The following NUAK1 variants were observed in gnomAD, a reference collection of about 807,000 sequenced individuals.
NUAK1 encodes the protein NUAK family SNF1-like kinase 1.
NUAK1 carries 26 observed loss-of-function variants against 56.9 expected under a neutral mutation model. The ratio of observed to expected loss-of-function variants is 0.46; its 90% confidence interval spans 0.33 to 0.63. The LOEUF is 0.63. NUAK1 is among the 30% of genes least tolerant of loss of function. The pLI is 0.02. For missense variants in NUAK1, 727 were observed against 876.1 expected, an observed-to-expected ratio of 0.83 and a Z score of 2.15; for synonymous variants, 337 against 336.0, an observed-to-expected ratio of 1.00 and a Z score of -0.03.
chr12:106,115,606 C>T (rs1286950980), intron 1 of NUAK1, among the ~76,000 whole-genome samples: 1 of 152,250 alleles, frequency 6.6e-6, no homozygotes, highest in Non-Finnish European at 1.5e-5. Flanking sequence ...GGTCCCTCCT[C>T]CCCAGCCCGT....
intron 1 of NUAK1, among the ~76,000 whole-genome samples, chr12:106,132,535 G>C (rs879684680): frequency 6.6e-6 from 1 of 152,156 alleles, no homozygotes; most frequent in Admixed American, 6.5e-5. Context: ...GCATGGTGTG[G>C]GGGCATTTTT....
At chr12:106,089,772 G>C (rs1389173833) in intron 2 of NUAK1, among the ~76,000 whole-genome samples, 1 of 152,152 alleles carries the variant, frequency 6.6e-6, no homozygotes, top group African/African-American at 2.4e-5. Context: ...CTGGGCAACT[G>C]AGTGAGACTT....
intron 1 of NUAK1, among the ~76,000 whole-genome samples, chr12:106,128,649 G>A (rs572758776): frequency 2.6e-5 from 4 of 152,156 alleles, no homozygotes; most frequent in East Asian, 1.9e-4. Flanking sequence ...ATGGGGTCCC[G>A]CTGGAGATAA....
chr12:106,098,789 G>A (rs943391087), intron 2 of NUAK1, among the ~76,000 whole-genome samples: 1 of 152,162 alleles, frequency 6.6e-6, no homozygotes, highest in African/African-American at 2.4e-5. Context: ...AAGGGGAAGT[G>A]GGGGTGAGAC....
chr12:106,087,088 C>G (rs2136462833), intron 2 of NUAK1: 1 of 536,208 alleles, frequency 1.9e-6, no homozygotes, highest in East Asian at 3.0e-5. Flanking sequence ...GTCACCACCA[C>G]TGTTCCTGGA....
Position 106,103,797 on chromosome 12 carries a change from G to A in NUAK1, c.361+2608C>T, listed in dbSNP as rs138919122. Among the ~76,000 whole-genome samples, 623 of 152,296 alleles carry A rather than the reference G, an allele frequency of 4.1e-3. 1 individual carries two copies. Among genetic ancestry groups the A allele is most frequent in the Non-Finnish European group, 7.0e-3 (473 of 68,030 alleles). ...CCTCATGCTGTTCTCGTGATAGTGAGTGAGTTCTCACAAGATCTGATGATT... is the reference window on the plus strand; with the variant it reads ...CCTCATGCTGTTCTCGTGATAGTGAATGAGTTCTCACAAGATCTGATGATT... On this transcript the variant is annotated intron_variant, in intron 2 of 6. Transcript: ENST00000261402.
At chr12:106,109,555 G>GAAA (rs5800702) in intron 1 of NUAK1, among the ~76,000 whole-genome samples, 1 of 123,516 alleles carries the variant, frequency 8.1e-6, no homozygotes, top group Non-Finnish European at 1.8e-5. Context: ...GGTTGTTAAG[G>GAAA]AAAAAAAAAA....
At chr12:106,103,592 C>T (rs1482712032) in intron 2 of NUAK1, among the ~76,000 whole-genome samples, 1 of 152,216 alleles carries the variant, frequency 6.6e-6, no homozygotes, top group Non-Finnish European at 1.5e-5. Context: ...CATACATCTC[C>T]ATGAAAACTT....
rs748619143 is a variant in NUAK1, at chr12:106,086,900, C to T, written c.362-15G>A. ...GTTCTCAAACACTGCAGAGGGAAAACAGCAATACACAAACACCCCGTTTAG... is the reference window on the plus strand; with the variant it reads ...GTTCTCAAACACTGCAGAGGGAAAATAGCAATACACAAACACCCCGTTTAG... On this transcript the variant is annotated splice_polypyrimidine_tract_variant and intron_variant, in intron 2 of 6. Transcript: ENST00000261402. 1 of 1,605,484 alleles carries T rather than the reference C, an allele frequency of 6.2e-7. No individual in the cohort carries two copies. Among genetic ancestry groups the T allele is most frequent in the Non-Finnish European group, 8.5e-7 (1 of 1,172,928 alleles).
intron 2 of NUAK1, chr12:106,104,235 TTTGTA>T (rs1282157093): frequency 1.3e-5 from 2 of 152,132 alleles, no homozygotes; most frequent in Non-Finnish European, 2.9e-5. Flanking sequence ...CCAGGTAATT[TTTGTA>T]TTTTTAGGAG....
At chr12:106,117,179 C>T (rs368121521) in intron 1 of NUAK1, among the ~76,000 whole-genome samples, 24 of 152,302 alleles carry the variant, frequency 1.6e-4, no homozygotes, top group African/African-American at 5.1e-4. Flanking sequence ...AGATACTTCA[C>T]CCTCTCCCAT....
At chr12:106,128,427 C>G (rs573004523) in intron 1 of NUAK1, among the ~76,000 whole-genome samples, 3 of 152,276 alleles carry the variant, frequency 2.0e-5, no homozygotes, top group East Asian at 1.9e-4. Context: ...CCACCACTCC[C>G]GCTTCCCTTT....
chr12:106,128,497 G>A (rs1380608035), intron 1 of NUAK1, among the ~76,000 whole-genome samples: 5 of 152,144 alleles, frequency 3.3e-5, no homozygotes, highest in African/African-American at 1.2e-4. Context: ...ACTGGGACAT[G>A]AGTGACCTCT....
intron 2 of NUAK1, among the ~76,000 whole-genome samples, chr12:106,098,512 C>T (rs1421033791): frequency 6.6e-6 from 1 of 152,138 alleles, no homozygotes; most frequent in Non-Finnish European, 1.5e-5. Context: ...CCAGGATCAC[C>T]CTTATCTAAA....
chr12:106,098,410 T>C (rs2136468037), intron 2 of NUAK1, among the ~76,000 whole-genome samples: 1 of 152,280 alleles, frequency 6.6e-6, no homozygotes, highest in South Asian at 2.1e-4. Context: ...GTTTGTCTAT[T>C]TCGTTTCTTT....
chr12:106,091,957 A>G (rs1178476778), intron 2 of NUAK1, among the ~76,000 whole-genome samples: 13 of 152,154 alleles, frequency 8.5e-5, no homozygotes, highest in Admixed American at 8.5e-4. Flanking sequence ...GCACTTTGGA[A>G]GGCCGAGATG....
In NUAK1 at chr12:106,064,369, A is replaced by G. The variant is rs1402157070; in HGVS notation, c.*2433T>C. On this transcript the variant is annotated 3_prime_UTR_variant, in exon 7 of 7. Coordinates refer to ENST00000261402, the MANE Select transcript of NUAK1 (RefSeq NM_014840.3). ...TCCCTCCAGCCCTCACTGGAAGGAAAACTTAACCCCTGCAAACAATGCAGA... is the reference window on the plus strand; with the variant it reads ...TCCCTCCAGCCCTCACTGGAAGGAAGACTTAACCCCTGCAAACAATGCAGA... 2 of 152,186 alleles carry G rather than the reference A, an allele frequency of 1.3e-5. No individual in the cohort carries two copies. The allele number at this position is 152,186 out of a possible 1,614,324, so 9.4% of individuals were successfully genotyped here. A position where few individuals can be genotyped will look rare whatever the true frequency, so the allele number is the denominator to read the frequency against.
At chr12:106,115,292 A>T (rs771366792) in intron 1 of NUAK1, among the ~76,000 whole-genome samples, 5 of 152,374 alleles carry the variant, frequency 3.3e-5, no homozygotes, top group Non-Finnish European at 7.3e-5. Context: ...AGCTAAAAAG[A>T]GGCATGACTT....
chr12:106,112,085 G>C (rs948524830), intron 1 of NUAK1, among the ~76,000 whole-genome samples: 3 of 151,784 alleles, frequency 2.0e-5, no homozygotes, highest in Middle Eastern at 3.4e-3. Context: ...GTTTTACAGG[G>C]TCATATGTGA....
Sources: allele counts gnomAD v4.1 joint callset (sites outside exome capture counted in the v4.1 genomes callset), GRCh38; gene constraint gnomAD v4.1.1; transcripts MANE v1.5; gene names NCBI Gene and HGNC (gene_info 2026-07-23, HGNC 2026-07-21).